The following CCDC170 variants were observed in gnomAD, a reference collection of about 807,000 sequenced individuals.
CCDC170 encodes coiled-coil domain containing 170.
CCDC170 carries 69 observed loss-of-function variants against 72.6 expected under a neutral mutation model. The observed-to-expected ratio is 0.95, with a 90% CI of 0.78 to 1.16. The LOEUF (loss-of-function observed/expected upper bound fraction) is 1.16, where lower values mean the gene tolerates loss of function less well. Among genes scored for constraint, CCDC170 ranks in the 50% most tolerant of loss-of-function variants. CCDC170 has a pLI of 0.00. For missense variants in CCDC170, 852 were observed against 832.5 expected (o/e 1.02, Z -0.29); for synonymous variants, 300 against 303.9 (o/e 0.99, Z 0.13).
At chr6:151,613,479 A>G (rs11155800) in intron 9 of CCDC170, among the ~76,000 whole-genome samples, 33,064 of 152,056 alleles carry the variant, frequency 0.22, 3,860 homozygotes, top group Middle Eastern at 0.29. Context: ...ATTTCAAAAC[A>G]TTTTCATCCC....
At chr6:151,533,790 T>C (rs936598265) in intron 1 of CCDC170, among the ~76,000 whole-genome samples, 1 of 152,212 alleles carries the variant, frequency 6.6e-6, no homozygotes, top group South Asian at 2.1e-4. Flanking sequence ...ATTTTGTAAT[T>C]ACACAATTCT....
At chr6:151,574,490 A>G (rs1776273742) in intron 6 of CCDC170, among the ~76,000 whole-genome samples, 1 of 152,028 alleles carries the variant, frequency 6.6e-6, no homozygotes, top group African/African-American at 2.4e-5. Context: ...GGTGTTTTTG[A>G]GTTCAGAATT....
intron 6 of CCDC170, among the ~76,000 whole-genome samples, chr6:151,573,791 A>G (rs995907010): frequency 2.0e-5 from 3 of 152,204 alleles, no homozygotes; most frequent in African/African-American, 7.2e-5. Flanking sequence ...GTTATTCTCT[A>G]TCACAAGAAC....
intron 1 of CCDC170, among the ~76,000 whole-genome samples, chr6:151,522,971 A>G (rs906396749): frequency 6.6e-6 from 1 of 152,068 alleles, no homozygotes; most frequent in African/African-American, 2.4e-5. Context: ...ACTTGCCCTG[A>G]ATTCTTTCTT....
chr6:151,593,753 G>A (rs1359676138), intron 8 of CCDC170, among the ~76,000 whole-genome samples: 1 of 151,784 alleles, frequency 6.6e-6, no homozygotes, highest in African/African-American at 2.4e-5. Flanking sequence ...TGAGGAATAG[G>A]GCTGCAAAAG....
At chr6:151,609,812 A>G (rs1583050386) in intron 9 of CCDC170, among the ~76,000 whole-genome samples, 1 of 152,154 alleles carries the variant, frequency 6.6e-6, no homozygotes, top group Non-Finnish European at 1.5e-5. Context: ...TCGGAGCTCC[A>G]TTACTTGTTC....
At chr6:151,510,078 G>A (rs1416476744) in intron 1 of CCDC170, among the ~76,000 whole-genome samples, 2 of 152,292 alleles carry the variant, frequency 1.3e-5, no homozygotes, top group Non-Finnish European at 2.9e-5. Flanking sequence ...AGAAAAGATT[G>A]CACCACAGCC....
intron 9 of CCDC170, among the ~76,000 whole-genome samples, chr6:151,604,414 G>C (rs1776754589): frequency 6.6e-6 from 1 of 152,228 alleles, no homozygotes; most frequent in Non-Finnish European, 1.5e-5. Flanking sequence ...TGGTGAAGGA[G>C]TGGAGGGGTG....
chr6:151,569,085 T>G (rs2115083862), intron 5 of CCDC170, among the ~76,000 whole-genome samples: 1 of 151,998 alleles, frequency 6.6e-6, no homozygotes, highest in South Asian at 2.1e-4. Context: ...TCTGAGTTTT[T>G]TTGTTAATCA....
rs1228245146 is a variant in CCDC170, at chr6:151,617,991, C to T, written c.1992C>T (p.Asn664=). The T allele has an allele frequency of 3.7e-6, 6 of 1,613,974 alleles. No individual in the cohort carries two copies. The highest frequency in any genetic ancestry group is 1.6e-4 in the Middle Eastern group (1 of 6,082). The change falls in exon 11 of 11, where the codon AAC becomes AAT. Residue 664 remains asparagine, a synonymous_variant. Transcript: ENST00000239374. Reference sequence around the variant, plus strand: ...TGGTGTCGCAGATGCTAGGCTTGAACGTGACCAGCCTTGCTCTTCCTGATT... The same window carrying T: ...TGGTGTCGCAGATGCTAGGCTTGAATGTGACCAGCCTTGCTCTTCCTGATT... ...REVVSQMLGL[N]VTSLALPDYE...
intron 3 of CCDC170, among the ~76,000 whole-genome samples, chr6:151,543,031 G>T (rs972338567): frequency 2.6e-5 from 4 of 151,942 alleles, no homozygotes; most frequent in African/African-American, 7.2e-5. Context: ...GAAGGAATTT[G>T]CAGTAAACAC....
intron 9 of CCDC170, among the ~76,000 whole-genome samples, chr6:151,600,683 C>T (rs983439190): frequency 8.6e-5 from 13 of 151,838 alleles, no homozygotes; most frequent in Admixed American, 2.0e-4. Flanking sequence ...CTTAGAGGGA[C>T]AATATAAAAT....
chr6:151,592,981 C>A, intron 7 of CCDC170, 126 bp from the exon 8 acceptor site: 1 of 1,010,422 alleles, frequency 9.9e-7, no homozygotes, highest in Non-Finnish European at 1.5e-6. Flanking sequence ...AGAGTCCGTG[C>A]TCCGTTCCAT....
Position 151,615,439 on chromosome 6 carries a change from C to A in CCDC170, c.1711-4C>A. ...GAGTTATCAGCATTCTCTTGACTTT[C>A]TAGATTAAAACTTTGGAACAGACTA... On this transcript the variant is annotated splice_region_variant and splice_polypyrimidine_tract_variant and intron_variant, in intron 9 of 10. Coordinates refer to ENST00000239374, the MANE Select transcript of CCDC170 (RefSeq NM_025059.4). 2 of 1,599,804 alleles carry A rather than the reference C, an allele frequency of 1.3e-6. No individual in the cohort carries two copies. Among genetic ancestry groups the A allele is most frequent in the Non-Finnish European group, 1.7e-6 (2 of 1,168,524 alleles).
intron 5 of CCDC170, among the ~76,000 whole-genome samples, chr6:151,567,715 T>C (rs1776157644): frequency 6.6e-6 from 1 of 152,242 alleles, no homozygotes. Flanking sequence ...ATATCACATC[T>C]GTAGCCTGTT....
intron 1 of CCDC170, among the ~76,000 whole-genome samples, chr6:151,518,300 T>G (rs1291545004): frequency 1.3e-5 from 2 of 152,156 alleles, no homozygotes; most frequent in Non-Finnish European, 2.9e-5. Context: ...GGGTGGGATC[T>G]TGGAGAAATC....
chr6:151,499,745 C>A lies in CCDC170; in HGVS notation c.57+5560C>A, dbSNP rs142893211. On this transcript the variant is annotated intron_variant, in intron 1 of 10. Transcript: ENST00000239374. ...ATTTCACTTAGCATAATGTCCTCAA[C>A]GTTTCTTCATGATGTAACATGTATC... Among the ~76,000 whole-genome samples, 13 of 148,568 alleles carry A rather than the reference C, an allele frequency of 8.8e-5. No individual in the cohort carries two copies. The East Asian group carries it at 2.5e-3, about 29-fold the overall frequency.
chr6:151,508,642 A>G (rs1782098263), intron 1 of CCDC170, among the ~76,000 whole-genome samples: 1 of 151,560 alleles, frequency 6.6e-6, no homozygotes, highest in African/African-American at 2.4e-5. Flanking sequence ...GAACCCAGGA[A>G]GTGGAGGTTG....
intron 7 of CCDC170, among the ~76,000 whole-genome samples, chr6:151,588,449 G>T (rs1373565062): frequency 1.3e-5 from 2 of 152,192 alleles, no homozygotes; most frequent in African/African-American, 4.8e-5. Flanking sequence ...AAGGTAGGGA[G>T]CCCAGTTGGT....
Sources: gnomAD v4.1 joint callset for allele counts (sites outside exome capture counted in the v4.1 genomes callset) on GRCh38, gnomAD v4.1.1 for gene constraint, MANE v1.5 for transcripts, NCBI Gene and HGNC (gene_info 2026-07-23, HGNC 2026-07-21) for gene names.